METAP2: variants seen among roughly 807,000 people sequenced by gnomAD.
METAP2 encodes the protein methionine aminopeptidase 2.
In METAP2, 25 loss-of-function variants were observed where a neutral mutation model predicts 59.4. The ratio of observed to expected loss-of-function variants is 0.42; its 90% CI spans 0.31 to 0.59. The LOEUF (loss-of-function observed/expected upper bound fraction) is 0.59, where lower values mean the gene tolerates loss of function less well. METAP2 is among the 20% of genes least tolerant of loss of function. METAP2 has a pLI of 0.16. For missense variants in METAP2, 366 were observed against 581.2 expected (o/e 0.63, Z 3.81); for synonymous variants, 214 against 194.1 (o/e 1.10, Z -0.85).
intron 7 of METAP2, among the ~76,000 whole-genome samples, chr12:95,500,168 A>G (rs1416131048): frequency 6.8e-6 from 1 of 146,122 alleles, no homozygotes; most frequent in Admixed American, 6.7e-5. Context: ...TTTTTTAGTT[A>G]TTGTTAATGG....
At chr12:95,484,764 G>T (rs2076183597) in intron 3 of METAP2, 2 of 420,604 alleles carry the variant, frequency 4.8e-6, no homozygotes, top group East Asian at 7.2e-5. Flanking sequence ...CTGAGTATCA[G>T]TCTGTTTCAT....
intron 2 of METAP2, among the ~76,000 whole-genome samples, chr12:95,479,506 A>G (rs1156551342): frequency 6.6e-6 from 1 of 152,206 alleles, no homozygotes; most frequent in African/African-American, 2.4e-5. Flanking sequence ...TATTGGTATA[A>G]AAAGTTGATC....
chr12:95,503,680 C>G (rs1308998402), intron 7 of METAP2, among the ~76,000 whole-genome samples: 1 of 152,130 alleles, frequency 6.6e-6, no homozygotes, highest in Non-Finnish European at 1.5e-5. Flanking sequence ...GCGTGTTGCT[C>G]CAGGAACACG....
chr12:95,500,906 T>C (rs1404010766), intron 7 of METAP2, among the ~76,000 whole-genome samples: 1 of 151,886 alleles, frequency 6.6e-6, no homozygotes, highest in Non-Finnish European at 1.5e-5. Context: ...GAAAGTATTC[T>C]CTTGAGGTTT....
At chr12:95,477,242 C>T (rs574895081) in intron 2 of METAP2, among the ~76,000 whole-genome samples, 3 of 152,040 alleles carry the variant, frequency 2.0e-5, no homozygotes, top group Non-Finnish European at 4.4e-5. Flanking sequence ...GGATTACAGG[C>T]GCCTGCCACC....
intron 8 of METAP2, among the ~76,000 whole-genome samples, chr12:95,511,082 G>A (rs1410274692): frequency 1.3e-5 from 2 of 152,156 alleles, no homozygotes; most frequent in East Asian, 3.8e-4. Flanking sequence ...TGTCATGACA[G>A]TGGGATGTTT....
intron 2 of METAP2, among the ~76,000 whole-genome samples, chr12:95,478,334 C>G (rs2076135469): frequency 1.3e-5 from 2 of 152,112 alleles, no homozygotes; most frequent in Non-Finnish European, 2.9e-5. Context: ...AGATCTTTCT[C>G]CTAATGGAAA....
At chr12:95,490,664 A>G (rs1304069819) in intron 4 of METAP2, among the ~76,000 whole-genome samples, 1 of 147,932 alleles carries the variant, frequency 6.8e-6, no homozygotes, top group Non-Finnish European at 1.5e-5. Flanking sequence ...TTATCCTCCC[A>G]AGTAGCTTTG....
At chr12:95,488,168 T>A (rs1273114457) in intron 4 of METAP2, among the ~76,000 whole-genome samples, 1 of 151,976 alleles carries the variant, frequency 6.6e-6, no homozygotes, top group Non-Finnish European at 1.5e-5. Context: ...TCCCAGAAGT[T>A]TTAAATTTTT....
At chr12:95,500,756 A>T (rs374760418) in intron 7 of METAP2, among the ~76,000 whole-genome samples, 14 of 152,280 alleles carry the variant, frequency 9.2e-5, no homozygotes, top group South Asian at 4.1e-4. Context: ...ATTCCTTTTA[A>T]TATGCAGTCG....
At chr12:95,503,923 C>T in intron 7 of METAP2, 142 bp from the exon 8 acceptor site, 1 of 627,578 alleles carries the variant, frequency 1.6e-6, no homozygotes, top group South Asian at 2.1e-5. Flanking sequence ...CTCCCATAAT[C>T]CTCTGCAAAG....
chr12:95,506,795 CTTATTTAT>C (rs56755873), intron 8 of METAP2, among the ~76,000 whole-genome samples: 16 of 147,334 alleles, frequency 1.1e-4, no homozygotes, highest in South Asian at 2.2e-4. Context: ...AAGCAGAATA[CTTATTTAT>C]TTATTTATTT....
intron 8 of METAP2, among the ~76,000 whole-genome samples, chr12:95,511,395 T>TG (rs1185020084): frequency 2.2e-5 from 3 of 138,578 alleles, no homozygotes; most frequent in Non-Finnish European, 3.1e-5. Flanking sequence ...CACCGTTTTT[T>TG]TTTTTTTTTT....
At chr12:95,482,145 C>T (rs771721035) in intron 2 of METAP2, 6 of 453,150 alleles carry the variant, frequency 1.3e-5, no homozygotes, top group Admixed American at 2.4e-5. Flanking sequence ...ATCTCCCTCC[C>T]GTCACCCAGG....
At chr12:95,494,260 T>C (rs1458623938) in intron 5 of METAP2, 43 bp downstream of exon 5, 3 of 1,562,562 alleles carry the variant, frequency 1.9e-6, no homozygotes, top group East Asian at 2.3e-5. Context: ...AAAAAATGTT[T>C]TATTAAGTAC....
Position 95,515,224 on chromosome 12 carries a change from C to G in METAP2, c.*1320C>G, listed in dbSNP as rs1304818535. On this transcript the variant is annotated 3_prime_UTR_variant, in exon 11 of 11. Transcript: ENST00000323666. ...CCTATGACTTGTGTACCTAGATCAT[C>G]TGTTACATTAAAAAGCTGCTCTTTC... 1 of 152,728 alleles carries G rather than the reference C, an allele frequency of 6.5e-6. No homozygotes were observed. Among genetic ancestry groups the G allele is most frequent in the South Asian group, 2.1e-4 (1 of 4,822 alleles). The allele number at this position is 152,728 out of a possible 1,614,324, so 9.5% of individuals were successfully genotyped here.
At position 95,474,338 on chromosome 12, in the gene METAP2, G is replaced by C; in HGVS notation, c.151+8G>C. On this transcript the variant is annotated splice_region_variant and intron_variant, in intron 1 of 10. Transcript: ENST00000323666. ...GCAAAGGGCCTTCTGCAGGTAAAGA[G>C]AGTTTTATGTTTTCCCAGTCCCCTC... The C allele has an allele frequency of 6.2e-7, 1 of 1,613,466 alleles. No homozygotes were observed. The highest frequency in any genetic ancestry group is 1.7e-5 in the Admixed American group (1 of 59,846).
intron 7 of METAP2, among the ~76,000 whole-genome samples, chr12:95,502,298 G>A (rs1024321349): frequency 6.6e-5 from 10 of 152,060 alleles, no homozygotes; most frequent in African/African-American, 2.2e-4. Flanking sequence ...GAGCCACCAC[G>A]CCTAGCCTGA....
intron 7 of METAP2, among the ~76,000 whole-genome samples, chr12:95,501,488 G>A (rs1489081286): frequency 5.9e-5 from 9 of 152,112 alleles, no homozygotes; most frequent in African/African-American, 1.9e-4. Flanking sequence ...AGGCTGAGGC[G>A]GGCGGATCAC....
Sources: allele counts gnomAD v4.1 joint callset (sites outside exome capture counted in the v4.1 genomes callset), GRCh38; gene constraint gnomAD v4.1.1; transcripts MANE v1.5; gene names NCBI Gene and HGNC (gene_info 2026-07-23, HGNC 2026-07-21).